The following GRB14 variants were observed in gnomAD, a reference collection of about 807,000 sequenced individuals.
GRB14 encodes the protein growth factor receptor-bound protein 14.
In GRB14, 38 loss-of-function variants were observed where a neutral mutation model predicts 69.1. That is an observed-to-expected ratio of 0.55 (90% CI 0.42 to 0.72). The LOEUF is 0.72. GRB14 is among the 30% of genes least tolerant of loss of function. The pLI is 0.00. For synonymous variants in GRB14, 247 were observed against 241.3 expected (o/e 1.02, Z -0.22); for missense variants, 666 against 666.1 (o/e 1.00, Z 0.00).
chr2:164,496,831 A>T (rs952627108), intron 12 of GRB14, among the ~76,000 whole-genome samples, 177 bp downstream of exon 12: 1 of 152,204 alleles, frequency 6.6e-6, no homozygotes, highest in Admixed American at 6.6e-5. Flanking sequence ...CACACTATGT[A>T]CCAGGTATAA....
Position 164,502,266 on chromosome 2 carries a change from T to C in GRB14, c.1093A>G (p.Ile365Val), listed in dbSNP as rs1333756037. 3.8e-6 allele frequency: 6 copies of C among 1,594,154 alleles called. No homozygotes were observed. The highest frequency in any genetic ancestry group is 2.2e-5 in the East Asian group (1 of 44,676). Residue 365 changes from isoleucine (I) to valine (V), a missense_variant, in exon 9 of 14, where the codon ATA (isoleucine) becomes GTA (valine). Ile to Val is a conservative substitution (Grantham distance 29). Transcript: ENST00000263915. The part of the protein sequence containing the change: ...QGRSGCSSQS[I>V]SPMRSISENS... ...AATTTGGTCCTTACCATAGGTGATA[T>C]GCTCTGTGAACTGCAGCCACTTCTA...
At chr2:164,505,640 T>C (rs1417320687) in intron 8 of GRB14, among the ~76,000 whole-genome samples, 1 of 152,200 alleles carries the variant, frequency 6.6e-6, no homozygotes, top group East Asian at 1.9e-4. Flanking sequence ...TTTTATTTTA[T>C]ATTTATGTGT....
At chr2:164,527,170 T>A in intron 3 of GRB14, 35 bp from the exon 4 acceptor site, 1 of 474,560 alleles carries the variant, frequency 2.1e-6, no homozygotes, top group Non-Finnish European at 3.5e-6. Context: ...TGTTGACAGA[T>A]AGACAAATAT....
intron 2 of GRB14, among the ~76,000 whole-genome samples, chr2:164,587,480 A>G (rs1689565722): frequency 2.0e-5 from 3 of 152,172 alleles, no homozygotes. Context: ...TATTGGAACA[A>G]TGTAGCCCCT....
chr2:164,520,883 G>A (rs751127865), intron 6 of GRB14, among the ~76,000 whole-genome samples: 8 of 152,106 alleles, frequency 5.3e-5, no homozygotes, highest in Non-Finnish European at 1.0e-4. Flanking sequence ...TGGATGTGGT[G>A]AAAAGGGAAT....
intron 2 of GRB14, among the ~76,000 whole-genome samples, chr2:164,573,359 T>C (rs2105332044): frequency 6.6e-6 from 1 of 152,304 alleles, no homozygotes; most frequent in Admixed American, 6.5e-5. Flanking sequence ...TCTTAACAAT[T>C]GTTAGCCTTA....
intron 2 of GRB14, among the ~76,000 whole-genome samples, chr2:164,562,053 AAT>A (rs1344683147): frequency 1.3e-5 from 2 of 152,192 alleles, no homozygotes; most frequent in African/African-American, 4.8e-5. Context: ...CCTTTACAAA[AAT>A]TGTTTTTATC....
rs371582577 is a variant in GRB14 at position 164,547,835 on chromosome 2, G to C, written c.325-19C>G. 1 of 1,560,322 alleles carries C rather than the reference G, an allele frequency of 6.4e-7. No homozygotes were observed. The highest frequency in any genetic ancestry group is 8.7e-7 in the Non-Finnish European group (1 of 1,146,662). On this transcript the variant is annotated intron_variant, in intron 2 of 13. Coordinates refer to ENST00000263915, the MANE Select transcript of GRB14 (RefSeq NM_004490.3). ...TAATCACCTGTGTAGGTAGAAACAA[G>C]AAAAAGACCTAAAATATTCCTGTTT...
At chr2:164,593,698 C>T (rs900061804) in intron 2 of GRB14, among the ~76,000 whole-genome samples, 3 of 152,152 alleles carry the variant, frequency 2.0e-5, no homozygotes, top group African/African-American at 7.2e-5. Flanking sequence ...GAGGACAGTA[C>T]CGTGGCAGCC....
chr2:164,557,833 G>C (rs1024438873), intron 2 of GRB14, among the ~76,000 whole-genome samples: 7 of 152,194 alleles, frequency 4.6e-5, no homozygotes, highest in African/African-American at 1.7e-4. Flanking sequence ...TGGCTAAAGA[G>C]ATTCAGAAAT....
intron 2 of GRB14, among the ~76,000 whole-genome samples, chr2:164,549,183 C>T (rs925181253): frequency 7.2e-5 from 11 of 151,976 alleles, no homozygotes; most frequent in Admixed American, 2.0e-4. Context: ...CCCAGTCCTT[C>T]GCTCATTTTT....
At chr2:164,605,711 T>C (rs1690025938) in intron 2 of GRB14, among the ~76,000 whole-genome samples, 1 of 152,148 alleles carries the variant, frequency 6.6e-6, no homozygotes, top group African/African-American at 2.4e-5. Context: ...TTCAGAGACT[T>C]TAGTTGAGAG....
At chr2:164,596,693 T>A (rs1447263261) in intron 2 of GRB14, among the ~76,000 whole-genome samples, 2 of 152,204 alleles carry the variant, frequency 1.3e-5, no homozygotes, top group African/African-American at 4.8e-5. Flanking sequence ...AGAAAACATT[T>A]TGTGGAATAA....
intron 3 of GRB14, among the ~76,000 whole-genome samples, chr2:164,533,760 C>G (rs942211467): frequency 6.6e-6 from 1 of 152,076 alleles, no homozygotes; most frequent in African/African-American, 2.4e-5. Flanking sequence ...TAAGCAGGTT[C>G]GGTGGCTCAT....
At chr2:164,531,893 A>T (rs908874110) in intron 3 of GRB14, among the ~76,000 whole-genome samples, 6 of 152,196 alleles carry the variant, frequency 3.9e-5, no homozygotes, top group Non-Finnish European at 7.4e-5. Flanking sequence ...ACCAAGCATG[A>T]CAGAGAAGCA....
chr2:164,574,077 A>T lies in GRB14; in HGVS notation c.325-26261T>A, dbSNP rs1689185863. 4 of 957,744 alleles carry T rather than the reference A, an allele frequency of 4.2e-6. No individual in the cohort carries two copies. In the Admixed American group the frequency reaches 6.1e-5, roughly 14 times the overall value. 59.3% of individuals were successfully genotyped at this position (957,744 alleles called of 1,614,324 possible). ...TAGATCTTCAGAGGTAAATTCAGAA[A>T]CTCTGGTTTTACCAGCTCATCATAC... On this transcript the variant is annotated intron_variant, in intron 2 of 13. Transcript: ENST00000263915.
chr2:164,550,920 C>T (rs1445067842), intron 2 of GRB14, among the ~76,000 whole-genome samples: 2 of 152,180 alleles, frequency 1.3e-5, no homozygotes, highest in Non-Finnish European at 1.5e-5. Context: ...GTACCACTCC[C>T]TCCCTCACCA....
chr2:164,618,115 G>C, intron 2 of GRB14, among the ~76,000 whole-genome samples: 1 of 151,930 alleles, frequency 6.6e-6, no homozygotes, highest in Non-Finnish European at 1.5e-5. Context: ...TACAGGTGCA[G>C]GCCACCACAC....
At chr2:164,501,262 A>G (rs1687045312) in intron 9 of GRB14, among the ~76,000 whole-genome samples, 1 of 152,116 alleles carries the variant, frequency 6.6e-6, no homozygotes, top group Non-Finnish European at 1.5e-5. Context: ...CTTTTTCTAT[A>G]TAGTCTATCA....
Sources: allele counts gnomAD v4.1 joint callset (sites outside exome capture counted in the v4.1 genomes callset), GRCh38; gene constraint gnomAD v4.1.1; transcripts MANE v1.5; gene names NCBI Gene and HGNC (gene_info 2026-07-23, HGNC 2026-07-21).